OPN5: variants seen among roughly 807,000 people sequenced by gnomAD.
The protein encoded by OPN5 is opsin-5.
Under a neutral mutation model 41.7 loss-of-function variants are expected in OPN5, and 18 were observed. The ratio of observed to expected loss-of-function variants is 0.43; its 90% CI spans 0.30 to 0.64. The LOEUF (loss-of-function observed/expected upper bound fraction) is 0.64. Ranked by LOEUF, OPN5 falls within the 30% of genes least tolerant of loss-of-function variation. The pLI is 0.13. For synonymous variants in OPN5, 178 were observed against 164.3 expected, an observed-to-expected ratio of 1.08 and a Z score of -0.64; for missense variants, 318 against 434.5, an observed-to-expected ratio of 0.73 and a Z score of 2.38.
intron 2 of OPN5, among the ~76,000 whole-genome samples, chr6:47,787,836 G>A (rs1773238565): frequency 6.6e-6 from 1 of 152,146 alleles, no homozygotes; most frequent in African/African-American, 2.4e-5. Context: ...GTTCAAGGTT[G>A]CAGTGAGCTA....
In OPN5 at chr6:47,793,229, A is replaced by G. The variant is rs886266320; in HGVS notation, c.421+1257A>G. Among the ~76,000 whole-genome samples, 5 of 152,274 alleles carry G rather than the reference A, an allele frequency of 3.3e-5. No individual in the cohort carries two copies. In the South Asian group the frequency reaches 1.0e-3, roughly 32 times the overall value. On this transcript the variant is annotated intron_variant, in intron 3 of 6. Transcript: ENST00000371211. ...AACTTCCTGAGAGTGTTTGAGGAAT[A>G]CTAAACCCTGATACCTCTGTTTTTA...
chr6:47,782,347 A>G, intron 1 of OPN5, 151 bp downstream of exon 1: 1 of 609,080 alleles, frequency 1.6e-6, no homozygotes, highest in Non-Finnish European at 2.8e-6. Context: ...GCATTATGGC[A>G]TTCAATAAAT....
chr6:47,823,845 T>A lies in OPN5; in HGVS notation c.1057-138T>A, dbSNP rs780852872. The A allele has an allele frequency of 3.1e-5, 22 of 705,418 alleles. No homozygotes were observed. The East Asian group carries it at 5.9e-4, about 19-fold the overall frequency. The allele number at this position is 705,418 out of a possible 1,614,324, so 43.7% of individuals were successfully genotyped here. Reference sequence around the variant, plus strand: ...TCTGTGGGTTCGGGGAGAAGCCATCTCAGTGACAATGTCCATCGCAATCCT... The same window carrying A: ...TCTGTGGGTTCGGGGAGAAGCCATCACAGTGACAATGTCCATCGCAATCCT... On this transcript the variant is annotated intron_variant, in intron 6 of 6. Coordinates refer to ENST00000371211, the Ensembl canonical transcript of OPN5.
intron 6 of OPN5, among the ~76,000 whole-genome samples, chr6:47,818,679 G>A (rs969611874): frequency 2.6e-5 from 4 of 152,168 alleles, no homozygotes; most frequent in Non-Finnish European, 5.9e-5. Context: ...GTTCCAAGGT[G>A]AGAGATGACC....
chr6:47,800,175 A>T (rs1201435696), intron 4 of OPN5, among the ~76,000 whole-genome samples: 1 of 152,220 alleles, frequency 6.6e-6, no homozygotes, highest in Admixed American at 6.5e-5. Flanking sequence ...ACAAAGAAAG[A>T]CCATGGCATT....
At chr6:47,815,010 A>G (rs998065409) in intron 6 of OPN5, among the ~76,000 whole-genome samples, 1 of 152,148 alleles carries the variant, frequency 6.6e-6, no homozygotes, top group Non-Finnish European at 1.5e-5. Flanking sequence ...TCATTTAAAC[A>G]TGGCCTATCT....
chr6:47,786,398 G>A lies in OPN5; in HGVS notation c.131-117G>A. 4.1e-6 allele frequency: 3 copies of A among 727,148 alleles called. No individual in the cohort carries two copies. The South Asian group carries it at 6.4e-5, about 16-fold the overall frequency. The allele number at this position is 727,148 out of a possible 1,614,324, so 45.0% of individuals were successfully genotyped here. Reference sequence around the variant, plus strand: ...CTTAATTTAGATTTTTTTATTTAGAGTCCTCTCACTACCCTCTAAATCTAT... The same window carrying A: ...CTTAATTTAGATTTTTTTATTTAGAATCCTCTCACTACCCTCTAAATCTAT... On this transcript the variant is annotated intron_variant, in intron 1 of 6. Coordinates refer to ENST00000371211, the Ensembl canonical transcript of OPN5.
At chr6:47,802,906 T>G (rs1773829189) in intron 4 of OPN5, among the ~76,000 whole-genome samples, 1 of 152,200 alleles carries the variant, frequency 6.6e-6, no homozygotes, top group Admixed American at 6.5e-5. Context: ...TATTTTAAGA[T>G]TCGAGAAAAT....
chr6:47,799,724 C>T lies in OPN5; in HGVS notation c.756+4161C>T, dbSNP rs1024871679. On this transcript the variant is annotated intron_variant, in intron 4 of 6. Transcript: ENST00000371211. ...TTCTGTTGTTCTTCCACCCTGACCC[C>T]GGGCCTTTGGTGTTCAGCTCAGTGG... 2.6e-5 allele frequency among the ~76,000 whole-genome samples: 4 copies of T among 152,122 alleles called. No homozygotes were observed. The South Asian group carries it at 6.2e-4, about 24-fold the overall frequency.
intron 6 of OPN5, among the ~76,000 whole-genome samples, chr6:47,817,343 T>C (rs1325817681): frequency 6.6e-6 from 1 of 152,156 alleles, no homozygotes; most frequent in Non-Finnish European, 1.5e-5. Context: ...GAAATTCTCA[T>C]TGAGGTTCAT....
intron 5 of OPN5, 57 bp downstream of exon 5, chr6:47,808,452 G>A: frequency 6.3e-7 from 1 of 1,592,814 alleles, no homozygotes; most frequent in African/African-American, 1.3e-5. Flanking sequence ...AATCCGGCAG[G>A]GTTCAAGGTA....
chr6:47,823,117 C>A (rs971099268), intron 6 of OPN5, among the ~76,000 whole-genome samples: 4 of 152,166 alleles, frequency 2.6e-5, no homozygotes, highest in African/African-American at 9.7e-5. Flanking sequence ...AGTTATGTGG[C>A]CGTGGCCCAG....
At chr6:47,805,160 T>C (rs1376837324) in intron 4 of OPN5, among the ~76,000 whole-genome samples, 1 of 152,206 alleles carries the variant, frequency 6.6e-6, no homozygotes, top group Non-Finnish European at 1.5e-5. Context: ...ATCCATTCCA[T>C]TTACAAGCAA....
intron 6 of OPN5, among the ~76,000 whole-genome samples, chr6:47,822,232 G>C (rs963563031): frequency 1.3e-5 from 2 of 152,068 alleles, no homozygotes; most frequent in Non-Finnish European, 2.9e-5. Context: ...TCCATATGAG[G>C]GCTGTTAAGG....
intron 5 of OPN5, among the ~76,000 whole-genome samples, chr6:47,809,024 A>T (rs1333680578): frequency 6.6e-6 from 1 of 152,222 alleles, no homozygotes; most frequent in Non-Finnish European, 1.5e-5. Flanking sequence ...CTGGGTTTCA[A>T]AATGTATCCT....
At chr6:47,814,256 T>A (rs1222300043) in intron 6 of OPN5, among the ~76,000 whole-genome samples, 3 of 151,768 alleles carry the variant, frequency 2.0e-5, no homozygotes, top group African/African-American at 7.3e-5. Flanking sequence ...AAAAGAACAC[T>A]CAGGTTGGTG....
chr6:47,792,855 C>T (rs1437506986), intron 3 of OPN5, among the ~76,000 whole-genome samples: 1 of 151,962 alleles, frequency 6.6e-6, no homozygotes, highest in African/African-American at 2.4e-5. Flanking sequence ...GTTGACCTGA[C>T]ACTGTCAATG....
chr6:47,800,165 A>G (rs1773714317), intron 4 of OPN5, among the ~76,000 whole-genome samples: 1 of 152,236 alleles, frequency 6.6e-6, no homozygotes, highest in South Asian at 2.1e-4. Flanking sequence ...TGCCTGCTGC[A>G]CAAAGAAAGA....
intron 5 of OPN5, among the ~76,000 whole-genome samples, chr6:47,809,015 T>C (rs1045983324): frequency 3.3e-5 from 5 of 152,214 alleles, no homozygotes; most frequent in African/African-American, 1.2e-4. Flanking sequence ...TCAAGTCTAC[T>C]GGGTTTCAAA....
Sources: gnomAD v4.1 joint callset for allele counts (sites outside exome capture counted in the v4.1 genomes callset) on GRCh38, gnomAD v4.1.1 for gene constraint, MANE v1.5 for transcripts, NCBI Gene and HGNC (gene_info 2026-07-23, HGNC 2026-07-21) for gene names.